The following PLCL1 variants were observed in gnomAD, a reference collection of about 807,000 sequenced individuals.
PLCL1 encodes the protein phospholipase C like 1 (inactive).
PLCL1 carries 41 observed loss-of-function variants against 84.4 expected under a neutral mutation model. The observed-to-expected ratio is 0.49, with a 90% CI of 0.38 to 0.63. The LOEUF (loss-of-function observed/expected upper bound fraction) is 0.63, where lower values mean the gene tolerates loss of function less well. PLCL1 is among the 30% of genes least tolerant of loss of function. The pLI is 0.00. For synonymous variants in PLCL1, 490 were observed against 488.3 expected, an observed-to-expected ratio of 1.00 and a Z score of -0.05; for missense variants, 1,206 against 1,367.8, an observed-to-expected ratio of 0.88 and a Z score of 1.87.
intron 1 of PLCL1, among the ~76,000 whole-genome samples, chr2:197,924,059 A>G (rs1688782976): frequency 6.7e-6 from 1 of 149,536 alleles, no homozygotes; most frequent in Admixed American, 6.7e-5. Context: ...AGGCAGGAGA[A>G]TCAGGCAGGG....
At chr2:198,069,026 C>T (rs1462966273) in intron 1 of PLCL1, among the ~76,000 whole-genome samples, 1 of 151,644 alleles carries the variant, frequency 6.6e-6, no homozygotes, top group Non-Finnish European at 1.5e-5. Context: ...CAGAGTGAGA[C>T]TCTGTCTCAA....
intron 5 of PLCL1, among the ~76,000 whole-genome samples, chr2:198,126,115 C>T (rs1162532592): frequency 6.6e-6 from 1 of 152,048 alleles, no homozygotes; most frequent in Non-Finnish European, 1.5e-5. Context: ...GGACACTTTC[C>T]CTACAATAGA....
chr2:197,808,912 G>A (rs60079260), intron 1 of PLCL1, among the ~76,000 whole-genome samples: 24,711 of 152,088 alleles, frequency 0.16, 2,296 homozygotes, highest in East Asian at 0.27. Flanking sequence ...TTGTCACTTG[G>A]ATCTCATGGA....
At chr2:198,061,029 C>T (rs1374079408) in intron 1 of PLCL1, among the ~76,000 whole-genome samples, 2 of 152,028 alleles carry the variant, frequency 1.3e-5, no homozygotes, top group Non-Finnish European at 2.9e-5. Context: ...TGGGGGTAAA[C>T]AAATCCCAAT....
At chr2:197,922,778 T>C (rs1688733880) in intron 1 of PLCL1, among the ~76,000 whole-genome samples, 6 of 113,918 alleles carry the variant, frequency 5.3e-5, no homozygotes, top group African/African-American at 9.7e-5. Flanking sequence ...GGCAGGGGGC[T>C]GACCCCCCCA....
At chr2:197,924,701 G>A (rs1688800308) in intron 1 of PLCL1, among the ~76,000 whole-genome samples, 1 of 151,926 alleles carries the variant, frequency 6.6e-6, no homozygotes, top group African/African-American at 2.4e-5. Context: ...TGTCAGCACA[G>A]GGAGAGCAAC....
At chr2:198,081,488 A>G (rs376362079) in intron 1 of PLCL1, among the ~76,000 whole-genome samples, 4 of 152,208 alleles carry the variant, frequency 2.6e-5, no homozygotes, top group African/African-American at 7.2e-5. Context: ...ATGTGTTCTA[A>G]TAGATCATCT....
intron 1 of PLCL1, among the ~76,000 whole-genome samples, chr2:197,937,547 C>A (rs1689075787): frequency 6.6e-6 from 1 of 152,124 alleles, no homozygotes; most frequent in African/African-American, 2.4e-5. Context: ...TGTAAATGGG[C>A]TGGATAAATT....
intron 1 of PLCL1, among the ~76,000 whole-genome samples, chr2:198,001,461 T>C (rs941518376): frequency 6.6e-6 from 1 of 152,138 alleles, no homozygotes; most frequent in Non-Finnish European, 1.5e-5. Context: ...CAAGGTACCC[T>C]TTTCCCATCA....
intron 1 of PLCL1, among the ~76,000 whole-genome samples, chr2:197,997,829 A>G (rs1369441895): frequency 2.0e-5 from 3 of 152,198 alleles, no homozygotes; most frequent in Non-Finnish European, 4.4e-5. Context: ...AGGAGCTGCA[A>G]AAAGGGTCCC....
chr2:198,101,418 A>G, intron 4 of PLCL1, 58 bp downstream of exon 4: 1 of 949,998 alleles, frequency 1.1e-6, no homozygotes, highest in Middle Eastern at 2.4e-4. Context: ...GGAAACTATA[A>G]TAATTCTTGG....
chr2:197,804,936 G>A lies in PLCL1; in HGVS notation c.-164G>A, dbSNP rs1031985613. 52 of 687,338 alleles carry A rather than the reference G, an allele frequency of 7.6e-5. No individual in the cohort carries two copies. The highest frequency in any genetic ancestry group is 6.2e-5 in the Non-Finnish European group (28 of 448,504). The allele number at this position is 687,338 out of a possible 1,614,324, so 42.6% of individuals were successfully genotyped here. ...CTGCCCGAGCGATGTCCCCTCTCCAGAAAGTTGCCGCCGCCGCCGCCGCCG... is the reference window on the plus strand; with the variant it reads ...CTGCCCGAGCGATGTCCCCTCTCCAAAAAGTTGCCGCCGCCGCCGCCGCCG... On this transcript the variant is annotated 5_prime_UTR_variant, in exon 1 of 6. Transcript: ENST00000428675.
At chr2:198,032,762 AT>A (rs1379019697) in intron 1 of PLCL1, among the ~76,000 whole-genome samples, 1 of 152,196 alleles carries the variant, frequency 6.6e-6, no homozygotes, top group Non-Finnish European at 1.5e-5. Flanking sequence ...ATAAGATCAA[AT>A]AAGAACATAC....
intron 5 of PLCL1, among the ~76,000 whole-genome samples, chr2:198,127,002 G>GTA (rs1480318650): frequency 3.9e-5 from 2 of 51,764 alleles, no homozygotes; most frequent in Non-Finnish European, 7.9e-5. Context: ...GTGTGTGTGT[G>GTA]TGTGTGTGTG....
intron 1 of PLCL1, among the ~76,000 whole-genome samples, chr2:198,035,558 G>A (rs1434910812): frequency 6.6e-6 from 1 of 152,100 alleles, no homozygotes; most frequent in Non-Finnish European, 1.5e-5. Flanking sequence ...ATGTCAAAAG[G>A]ACACACGAGC....
chr2:198,143,796 T>C lies in PLCL1; in HGVS notation c.3106-2984T>C, dbSNP rs139003198. On this transcript the variant is annotated intron_variant, in intron 5 of 5. Coordinates refer to ENST00000428675, the MANE Select transcript of PLCL1 (RefSeq NM_006226.4). Reference sequence around the variant, plus strand: ...AAAGATGACTGCTATTCCTCCTTCATAAAAAAAGAGAAAACAGAAGTTTAT... The same window carrying C: ...AAAGATGACTGCTATTCCTCCTTCACAAAAAAAGAGAAAACAGAAGTTTAT... Among the ~76,000 whole-genome samples, 31 of 152,054 alleles carry C rather than the reference T, an allele frequency of 2.0e-4. No homozygotes were observed. The East Asian group carries it at 5.8e-3, about 28-fold the overall frequency.
At chr2:197,861,593 T>A (rs901245246) in intron 1 of PLCL1, among the ~76,000 whole-genome samples, 1 of 152,182 alleles carries the variant, frequency 6.6e-6, no homozygotes, top group African/African-American at 2.4e-5. Flanking sequence ...AATTTGCAAT[T>A]GGCATCAGAA....
intron 1 of PLCL1, among the ~76,000 whole-genome samples, chr2:197,810,567 T>C (rs1229441702): frequency 6.6e-6 from 1 of 152,210 alleles, no homozygotes; most frequent in African/African-American, 2.4e-5. Flanking sequence ...TTTTGTACAG[T>C]AAAATGTCAA....
At chr2:198,001,093 C>T (rs868628146) in intron 1 of PLCL1, among the ~76,000 whole-genome samples, 1 of 152,126 alleles carries the variant, frequency 6.6e-6, no homozygotes, top group African/African-American at 2.4e-5. Flanking sequence ...ATAGCCTCCT[C>T]ATGGGGTTGT....
Sources: gnomAD v4.1 joint callset for allele counts (sites outside exome capture counted in the v4.1 genomes callset) on GRCh38, gnomAD v4.1.1 for gene constraint, MANE v1.5 for transcripts, NCBI Gene and HGNC (gene_info 2026-07-23, HGNC 2026-07-21) for gene names.